CDH12: variants seen among roughly 807,000 people sequenced by gnomAD.
CDH12 encodes cadherin-12.
A neutral mutation model predicts 74.1 loss-of-function variants in CDH12; 41 were observed. The ratio of observed to expected loss-of-function variants is 0.55; its 90% confidence interval spans 0.43 to 0.72. The LOEUF (loss-of-function observed/expected upper bound fraction) is 0.72, where lower values mean the gene tolerates loss of function less well. Ranked by LOEUF, CDH12 falls within the 30% of genes least tolerant of loss-of-function variation. The probability of loss-of-function intolerance (pLI) is 0.00; values close to 1 mark genes in which losing one functional copy is unlikely to be tolerated. For synonymous variants in CDH12, 399 were observed against 355.0 expected (o/e 1.12, Z -1.39); for missense variants, 945 against 977.2 (o/e 0.97, Z 0.44).
intron 6 of CDH12, among the ~76,000 whole-genome samples, chr5:21,910,469 C>T (rs1460443872): frequency 6.6e-6 from 1 of 152,052 alleles, no homozygotes; most frequent in African/African-American, 2.4e-5. Context: ...GAAACTGTCC[C>T]TTTCTTGCAA....
rs917779904 is a variant in CDH12 at position 21,755,471 on chromosome 5, C to T, written c.1885+120G>A. 55 of 779,786 alleles carry T rather than the reference C, an allele frequency of 7.1e-5. 1 individual carries two copies. In the Middle Eastern group the frequency reaches 2.1e-3, roughly 29 times the overall value. 48.3% of individuals were successfully genotyped at this position (779,786 alleles called of 1,614,324 possible). ...TAGATTATCTTCTAGCTAGGTATGACATGTCAATGAATAAAAACTTGTTTA... is the reference window on the plus strand; with the variant it reads ...TAGATTATCTTCTAGCTAGGTATGATATGTCAATGAATAAAAACTTGTTTA... On this transcript the variant is annotated intron_variant, in intron 14 of 14. Transcript: ENST00000382254.
At chr5:22,687,318 T>A (rs969963701) in intron 1 of CDH12, among the ~76,000 whole-genome samples, 1 of 151,968 alleles carries the variant, frequency 6.6e-6, no homozygotes, top group South Asian at 2.1e-4. Flanking sequence ...AATAAAAAAA[T>A]GAAAAATGAT....
intron 2 of CDH12, among the ~76,000 whole-genome samples, chr5:22,426,830 T>G (rs987657720): frequency 6.6e-6 from 1 of 152,218 alleles, no homozygotes; most frequent in East Asian, 1.9e-4. Context: ...AAAGCCACAC[T>G]GTAAGACTTT....
At chr5:21,847,352 G>C (rs1420967522) in intron 7 of CDH12, among the ~76,000 whole-genome samples, 1 of 152,048 alleles carries the variant, frequency 6.6e-6, no homozygotes, top group Non-Finnish European at 1.5e-5. Flanking sequence ...ATTAATTTCT[G>C]ATTGCTTCTG....
intron 5 of CDH12, among the ~76,000 whole-genome samples, chr5:21,992,661 G>A (rs1339956707): frequency 2.0e-5 from 3 of 152,034 alleles, no homozygotes; most frequent in Non-Finnish European, 2.9e-5. Context: ...TTTTCTTACT[G>A]ATCATCCACT....
chr5:22,337,413 C>T (rs1739642828), intron 3 of CDH12, among the ~76,000 whole-genome samples: 2 of 152,064 alleles, frequency 1.3e-5, no homozygotes, highest in African/African-American at 4.8e-5. Context: ...TGTCTCCACC[C>T]AAATCTCATC....
At chr5:22,582,376 T>A (rs182340892) in intron 1 of CDH12, among the ~76,000 whole-genome samples, 1 of 152,314 alleles carries the variant, frequency 6.6e-6, no homozygotes, top group African/African-American at 2.4e-5. Flanking sequence ...AATTAATTCA[T>A]CCCTTTGTAT....
In CDH12 at chr5:21,891,752, C is replaced by T. The variant is rs541845178; in HGVS notation, c.527-36962G>A. The stretch of plus-strand genomic sequence containing the variant: ...GTTTTCTACAAGCAAATCAATATCC[C>T]AAGGTTACAGTTTCTGATTGTACTT... On this transcript the variant is annotated intron_variant, in intron 6 of 14. Transcript: ENST00000382254. Among the ~76,000 whole-genome samples, 126 of 152,136 alleles carry T rather than the reference C, an allele frequency of 8.3e-4. 2 individuals are homozygous for T. In the South Asian group the frequency reaches 0.025, roughly 30 times the overall value.
intron 4 of CDH12, among the ~76,000 whole-genome samples, chr5:22,186,225 T>C (rs960631039): frequency 6.6e-6 from 1 of 152,192 alleles, no homozygotes; most frequent in Admixed American, 6.5e-5. Flanking sequence ...CACACATATA[T>C]GAAGAATTTT....
At chr5:21,907,603 G>C (rs1753697339) in intron 6 of CDH12, among the ~76,000 whole-genome samples, 1 of 152,152 alleles carries the variant, frequency 6.6e-6, no homozygotes, top group Non-Finnish European at 1.5e-5. Flanking sequence ...TCCTGTCCCA[G>C]CTCTACCCCG....
At chr5:22,543,344 T>C (rs902230703) in intron 1 of CDH12, among the ~76,000 whole-genome samples, 5 of 152,132 alleles carry the variant, frequency 3.3e-5, no homozygotes, top group Non-Finnish European at 5.9e-5. Flanking sequence ...CAATGTTTTA[T>C]TGAATGCTGT....
intron 1 of CDH12, among the ~76,000 whole-genome samples, chr5:22,742,288 G>T (rs1241218339): frequency 6.6e-6 from 1 of 151,838 alleles, no homozygotes; most frequent in South Asian, 2.1e-4. Context: ...AAGAACAAGG[G>T]GTTTATTGTC....
intron 3 of CDH12, among the ~76,000 whole-genome samples, chr5:22,387,937 A>AG (rs1474615954): frequency 1.3e-5 from 2 of 152,118 alleles, no homozygotes. Flanking sequence ...GATTGTCACT[A>AG]AGACTATCAG....
intron 1 of CDH12, among the ~76,000 whole-genome samples, chr5:22,850,326 G>A (rs954040500): frequency 1.3e-5 from 2 of 151,938 alleles, no homozygotes; most frequent in African/African-American, 4.8e-5. Flanking sequence ...AGTAAGTCAG[G>A]AAAAAGCTGC....
intron 3 of CDH12, among the ~76,000 whole-genome samples, chr5:22,392,544 C>T (rs923583849): frequency 6.6e-6 from 1 of 152,162 alleles, no homozygotes; most frequent in Non-Finnish European, 1.5e-5. Flanking sequence ...ATATTTGGCA[C>T]ATGGTAAGCA....
chr5:22,685,300 C>T (rs931703697), intron 1 of CDH12, among the ~76,000 whole-genome samples: 1 of 151,894 alleles, frequency 6.6e-6, no homozygotes. Flanking sequence ...TTCAGTGGTG[C>T]GGTCTTGGCT....
At chr5:21,847,261 T>C (rs1750224930) in intron 7 of CDH12, among the ~76,000 whole-genome samples, 1 of 152,170 alleles carries the variant, frequency 6.6e-6, no homozygotes, top group Non-Finnish European at 1.5e-5. Context: ...TTATTTGTAG[T>C]TCTTCCACTT....
chr5:22,194,195 T>C (rs996040583), intron 4 of CDH12, among the ~76,000 whole-genome samples: 8 of 152,080 alleles, frequency 5.3e-5, no homozygotes, highest in Non-Finnish European at 1.2e-4. Context: ...TTAACAGAGA[T>C]GGAACATTCA....
chr5:21,898,333 C>G (rs1434647806), intron 6 of CDH12, among the ~76,000 whole-genome samples: 1 of 152,102 alleles, frequency 6.6e-6, no homozygotes, highest in Admixed American at 6.6e-5. Flanking sequence ...AAGTGATTCC[C>G]CTGCCTTGGC....
Sources: allele counts gnomAD v4.1 joint callset (sites outside exome capture counted in the v4.1 genomes callset), GRCh38; gene constraint gnomAD v4.1.1; transcripts MANE v1.5; gene names NCBI Gene and HGNC (gene_info 2026-07-23, HGNC 2026-07-21).